Variants in RIMS2 observed in about 807,000 individuals in gnomAD.
RIMS2 encodes the protein regulating synaptic membrane exocytosis 2, also known as regulating synaptic membrane exocytosis protein 2.
Under a neutral mutation model 174.4 loss-of-function variants are expected in RIMS2, and 59 were observed. The ratio of observed to expected loss-of-function variants is 0.34; its 90% confidence interval spans 0.27 to 0.42. RIMS2 has a LOEUF of 0.42. Among genes scored for constraint, RIMS2 ranks in the 10% least tolerant of loss-of-function variants. The pLI is 1.00. For synonymous variants in RIMS2, 606 were observed against 572.5 expected (o/e 1.06, Z -0.84); for missense variants, 1,620 against 1,666.3 (o/e 0.97, Z 0.48).
At chr8:103,738,427 C>T (rs1403184791) in intron 2 of RIMS2, among the ~76,000 whole-genome samples, 1 of 152,118 alleles carries the variant, frequency 6.6e-6, no homozygotes, top group African/African-American at 2.4e-5. Flanking sequence ...ACCATAAAAA[C>T]CCTAGAAGAA....
intron 2 of RIMS2, among the ~76,000 whole-genome samples, chr8:103,708,708 C>A (rs1378878475): frequency 6.6e-6 from 1 of 152,140 alleles, no homozygotes; most frequent in Non-Finnish European, 1.5e-5. Flanking sequence ...GTTTTCTGTG[C>A]ATAATGTAGC....
rs111474036 is a variant in RIMS2, at chr8:104,152,168, G to A, written c.3335-92748G>A. On this transcript the variant is annotated intron_variant, in intron 19 of 23. Transcript: ENST00000504942. ...GTTTTTGTCTCAAAAACATTGTGAT[G>A]TTGGCAGATTTAAGAAATGTAGTCT... Among the ~76,000 whole-genome samples, 11 of 152,272 alleles carry A rather than the reference G, an allele frequency of 7.2e-5. 1 individual carries two copies. The highest frequency in any genetic ancestry group is 1.9e-4 in the African/African-American group (8 of 41,566).
chr8:103,648,092 C>T (rs541300370), intron 1 of RIMS2, among the ~76,000 whole-genome samples: 11 of 151,916 alleles, frequency 7.2e-5, no homozygotes, highest in Admixed American at 2.0e-4. Flanking sequence ...GCTTTAGCTG[C>T]GTCCCAGAGC....
At chr8:104,227,432 T>C (rs1333698431) in intron 19 of RIMS2, among the ~76,000 whole-genome samples, 1 of 152,158 alleles carries the variant, frequency 6.6e-6, no homozygotes, top group African/African-American at 2.4e-5. Context: ...TCCACCTCCC[T>C]AATGTAGGAT....
At chr8:103,646,084 G>A (rs540306111) in intron 1 of RIMS2, among the ~76,000 whole-genome samples, 1 of 152,198 alleles carries the variant, frequency 6.6e-6, no homozygotes, top group East Asian at 1.9e-4. Context: ...GGGAGCTTTT[G>A]AGCCAGGATG....
chr8:103,905,775 C>CTTTTTTTTTTTTTT (rs60157494), intron 4 of RIMS2, among the ~76,000 whole-genome samples: 1 of 122,052 alleles, frequency 8.2e-6, no homozygotes. Context: ...ATTTTCTTTT[C>CTTTTTTTTTTTTTT]TTTTTTTTTT....
intron 1 of RIMS2, among the ~76,000 whole-genome samples, chr8:103,502,387 C>G (rs1246687145): frequency 6.6e-6 from 1 of 152,074 alleles, no homozygotes; most frequent in African/African-American, 2.4e-5. Context: ...ATTCACAAAT[C>G]TTAGAGAAAG....
intron 3 of RIMS2, among the ~76,000 whole-genome samples, chr8:103,790,534 T>C (rs1296234243): frequency 2.0e-5 from 3 of 152,220 alleles, no homozygotes; most frequent in African/African-American, 7.2e-5. Context: ...TTTAGCCTTA[T>C]GAATAATGCT....
intron 19 of RIMS2, among the ~76,000 whole-genome samples, chr8:104,233,898 A>G (rs369271129): frequency 1.1e-4 from 17 of 152,252 alleles, no homozygotes; most frequent in African/African-American, 4.1e-4. Context: ...TTTGCTTTCA[A>G]CTTAATGGCA....
At chr8:103,969,437 C>G (rs1056687287) in intron 15 of RIMS2, among the ~76,000 whole-genome samples, 2 of 152,004 alleles carry the variant, frequency 1.3e-5, no homozygotes, top group African/African-American at 2.4e-5. Context: ...ATTCATATAT[C>G]CTGAAGTTCA....
intron 19 of RIMS2, among the ~76,000 whole-genome samples, chr8:104,121,780 G>A (rs1166586663): frequency 6.6e-6 from 1 of 151,834 alleles, no homozygotes; most frequent in Non-Finnish European, 1.5e-5. Flanking sequence ...TGACCAACAT[G>A]GTGAAACCTC....
At chr8:104,021,921 C>T (rs111772242) in intron 19 of RIMS2, among the ~76,000 whole-genome samples, 1 of 151,910 alleles carries the variant, frequency 6.6e-6, no homozygotes, top group Non-Finnish European at 1.5e-5. Context: ...GTTGATTGGT[C>T]GGGGATGAAA....
At chr8:103,520,865 T>C (rs1338320271) in intron 1 of RIMS2, among the ~76,000 whole-genome samples, 1 of 152,130 alleles carries the variant, frequency 6.6e-6, no homozygotes, top group Non-Finnish European at 1.5e-5. Context: ...TATATAAACA[T>C]AGAAAGTTCA....
chr8:103,993,117 A>T lies in RIMS2; in HGVS notation c.3044+3696A>T, dbSNP rs542190572. On this transcript the variant is annotated intron_variant, in intron 17 of 23. Coordinates refer to ENST00000504942, the Ensembl canonical transcript of RIMS2. ...TGACAGAGTAAGACTGTCTCAAAAA[A>T]ATATATATATATTTTAAGAGCTTTT... 1.6e-3 allele frequency among the ~76,000 whole-genome samples: 236 copies of T among 152,182 alleles called. 1 individual carries two copies. The highest frequency in any genetic ancestry group is 4.9e-3 in the African/African-American group (202 of 41,508).
intron 1 of RIMS2, among the ~76,000 whole-genome samples, chr8:103,509,516 T>A (rs1384172415): frequency 1.3e-5 from 2 of 152,022 alleles, no homozygotes; most frequent in African/African-American, 4.8e-5. Context: ...TTTAGGAAAA[T>A]ATAGAGAGGA....
Position 104,118,209 on chromosome 8 carries a change from A to G in RIMS2, c.3334+103594A>G, listed in dbSNP as rs531329087. Among the ~76,000 whole-genome samples, 157 of 152,178 alleles carry G rather than the reference A, an allele frequency of 1.0e-3. 1 individual carries two copies. Among genetic ancestry groups the G allele is most frequent in the Admixed American group, 2.2e-3 (34 of 15,284 alleles). The stretch of plus-strand genomic sequence containing the variant: ...ATGAAAATTTTAGAATATTTTATAT[A>G]GTGTGAGATATTCTTATTACATAAA... On this transcript the variant is annotated intron_variant, in intron 19 of 23. Transcript: ENST00000504942.
At chr8:103,799,510 G>T (rs2098589475) in intron 3 of RIMS2, among the ~76,000 whole-genome samples, 1 of 152,050 alleles carries the variant, frequency 6.6e-6, no homozygotes, top group African/African-American at 2.4e-5. Flanking sequence ...GTGGCATAGG[G>T]TATGTATACT....
At chr8:103,732,123 G>A (rs1245419411) in intron 2 of RIMS2, among the ~76,000 whole-genome samples, 1 of 152,174 alleles carries the variant, frequency 6.6e-6, no homozygotes, top group Non-Finnish European at 1.5e-5. Flanking sequence ...TGTGATCTAA[G>A]TTTTTGGTCA....
intron 1 of RIMS2, among the ~76,000 whole-genome samples, chr8:103,635,617 A>G (rs369990135): frequency 9.0e-4 from 137 of 152,270 alleles, no homozygotes; most frequent in African/African-American, 3.2e-3. Flanking sequence ...GGAGGTACTG[A>G]CCCCTTATTG....
Sources: gnomAD v4.1 joint callset for allele counts (sites outside exome capture counted in the v4.1 genomes callset) on GRCh38, gnomAD v4.1.1 for gene constraint, MANE v1.5 for transcripts, NCBI Gene and HGNC (gene_info 2026-07-23, HGNC 2026-07-21) for gene names.